The following PARP14 variants were observed in gnomAD, a reference collection of about 807,000 sequenced individuals.
PARP14 encodes protein mono-ADP-ribosyltransferase PARP14.
PARP14 carries 59 observed loss-of-function variants against 154.2 expected under a neutral mutation model. The observed-to-expected ratio is 0.38, with a 90% CI of 0.31 to 0.48. The LOEUF is 0.48. PARP14 is among the 20% of genes least tolerant of loss of function. PARP14 has a pLI of 0.98. For missense variants in PARP14, 1,734 were observed against 2,131.6 expected (o/e 0.81, Z 3.67); for synonymous variants, 720 against 780.5 (o/e 0.92, Z 1.29).
At chr3:122,697,588 A>G (rs1454208400) in intron 5 of PARP14, among the ~76,000 whole-genome samples, 1 of 152,178 alleles carries the variant, frequency 6.6e-6, no homozygotes, top group Admixed American at 6.5e-5. Context: ...TGGTAGATAG[A>G]GCTTGGTTTA....
At chr3:122,720,481 AT>A (rs770664984) in intron 15 of PARP14, 93 bp downstream of exon 15, 10 of 1,201,050 alleles carry the variant, frequency 8.3e-6, no homozygotes, top group African/African-American at 3.0e-5. Flanking sequence ...TTCCTATCAC[AT>A]TTTTTTAAAC....
intron 1 of PARP14, chr3:122,683,326 T>A: frequency 1.0e-6 from 1 of 979,450 alleles, no homozygotes; most frequent in Non-Finnish European, 1.2e-6. Context: ...TAGCATAACC[T>A]GATTTGATTC....
At chr3:122,714,538 C>T in intron 12 of PARP14, 109 bp downstream of exon 12, 1 of 750,570 alleles carries the variant, frequency 1.3e-6, no homozygotes, top group Non-Finnish European at 2.1e-6. Flanking sequence ...GGGCAGCAAC[C>T]ATTAAGCTAG....
chr3:122,698,835 G>A (rs1349914043), intron 5 of PARP14, among the ~76,000 whole-genome samples: 1 of 152,150 alleles, frequency 6.6e-6, no homozygotes, highest in Non-Finnish European at 1.5e-5. Flanking sequence ...TTATAGGACT[G>A]TACAAGAAGA....
Position 122,713,463 on chromosome 3 carries a change from A to G in PARP14, c.3659A>G (p.Tyr1220Cys), listed in dbSNP as rs201832212. The change falls in exon 10 of 17, where the codon TAT (tyrosine) becomes TGT (cysteine). Residue 1220 changes from tyrosine to cysteine, a missense_variant. Physicochemically the swap from Tyr to Cys is radical, Grantham distance 194. Around this residue, in one of 2 missense-constraint regions of PARP14, gnomAD observed 1,646 missense variants for 1,976.0 expected, o/e 0.83. Coordinates refer to ENST00000474629, the MANE Select transcript of PARP14 (RefSeq NM_017554.3). Reference protein sequence around the residue: ...GTVSSPDSGVYEMKIGSIIFQ... With the variant: ...GTVSSPDSGVCEMKIGSIIFQ... ...GTTTCTAGCCCTGATTCAGGTGTGTATGAAATGAAGATTGGCTCCATCATC... is the reference window on the plus strand; with the variant it reads ...GTTTCTAGCCCTGATTCAGGTGTGTGTGAAATGAAGATTGGCTCCATCATC... 1.9e-4 allele frequency: 310 copies of G among 1,613,586 alleles called. 1 individual carries two copies. Among genetic ancestry groups the G allele is most frequent in the Non-Finnish European group, 2.4e-4 (284 of 1,179,650 alleles).
chr3:122,695,431 A>G lies in PARP14; in HGVS notation c.604A>G (p.Ile202Val). ...VVTFQKHIDTIRFVDDCTKHH... is the reference protein window; with the variant it reads ...VVTFQKHIDTVRFVDDCTKHH... ...TTTTTTTTTTTGGTTTGTAGATACTATAAGATTTGTTGATGATTGTACCAA... is the reference window on the plus strand; with the variant it reads ...TTTTTTTTTTTGGTTTGTAGATACTGTAAGATTTGTTGATGATTGTACCAA... The change falls in exon 5 of 17, where the codon ATA (isoleucine) becomes GTA (valine). Residue 202 changes from isoleucine (I) to valine (V), a missense_variant. Around this residue, in one of 2 missense-constraint regions of PARP14, gnomAD observed 1,646 missense variants for 1,976.0 expected, o/e 0.83. Coordinates refer to ENST00000474629, the MANE Select transcript of PARP14 (RefSeq NM_017554.3). 6 of 1,514,302 alleles carry G rather than the reference A, an allele frequency of 4.0e-6. No individual in the cohort carries two copies. The highest frequency in any genetic ancestry group is 4.6e-5 in the East Asian group (2 of 43,940). 93.8% of individuals were successfully genotyped at this position (1,514,302 alleles called of 1,614,324 possible).
chr3:122,689,276 C>T (rs1476481229), intron 3 of PARP14, among the ~76,000 whole-genome samples: 3 of 152,200 alleles, frequency 2.0e-5, no homozygotes, highest in South Asian at 4.1e-4. Flanking sequence ...CTAGACATTT[C>T]ACGCATCACT....
intron 5 of PARP14, 82 bp downstream of exon 5, chr3:122,695,744 G>A: frequency 1.5e-6 from 1 of 668,802 alleles, no homozygotes. Flanking sequence ...TAGTTCTGAT[G>A]TGTTTTATTT....
chr3:122,704,727 G>A lies in PARP14; in HGVS notation c.3519G>A (p.Pro1173=), dbSNP rs776257093. The change falls in exon 8 of 17, where the codon CCG becomes CCA. Residue 1173 remains proline, a synonymous_variant. Transcript: ENST00000474629. ...TLQEVHFLLH[P]SDHENIQAFS... ...AAGAGGTTCACTTTCTGCTGCACCC[G>A]AGTGATCATGAAAATATTCAGGTAC... 15 of 1,596,694 alleles carry A rather than the reference G, an allele frequency of 9.4e-6. No homozygotes were observed. Among genetic ancestry groups the A allele is most frequent in the Middle Eastern group, 1.7e-4 (1 of 6,004 alleles).
chr3:122,704,019 C>A, intron 7 of PARP14, 41 bp downstream of exon 7: 3 of 1,381,364 alleles, frequency 2.2e-6, no homozygotes, highest in Non-Finnish European at 3.1e-6. Context: ...TTGGGTAGCC[C>A]TTTGGGTTCT....
In PARP14 at chr3:122,692,488, A is replaced by G. The variant is rs562691474; in HGVS notation, c.543A>G (p.Gln181=). Residue 181 remains glutamine (Q), a synonymous_variant, in exon 4 of 17, where the codon CAA becomes CAG. Transcript: ENST00000474629. ...GTGGCCTGTCTAATGATGACTTTCA[A>G]GTGGAAATAATAAGAGATTTTGATG... The part of the protein sequence containing the change: ...NISGLSNDDF[Q]VEIIRDFDVA... 1.0e-4 allele frequency: 164 copies of G among 1,613,066 alleles called. 2 individuals are homozygous for G. The South Asian group carries it at 1.8e-3, about 18-fold the overall frequency.
intron 8 of PARP14, among the ~76,000 whole-genome samples, chr3:122,706,900 C>T (rs1939172398): frequency 6.6e-6 from 1 of 152,002 alleles, no homozygotes; most frequent in Admixed American, 6.6e-5. Context: ...CATGACTCCT[C>T]AGCCCCTCCT....
In PARP14 at chr3:122,720,712, T is replaced by C. The variant is rs116359138; in HGVS notation, c.4941+324T>C. On this transcript the variant is annotated intron_variant, in intron 15 of 16. Coordinates refer to ENST00000474629, the MANE Select transcript of PARP14 (RefSeq NM_017554.3). ...AGCTAGCAAATTCCACAGAGAGCCA[T>C]GCAGAGGCTCCTTAGATCAGGACCA... The C allele has an allele frequency of 6.6e-3, 3,045 of 460,748 alleles. 74 individuals carry two copies. Among genetic ancestry groups the C allele is most frequent in the African/African-American group, 0.055 (2,769 of 50,134 alleles). 28.5% of individuals were successfully genotyped at this position (460,748 alleles called of 1,614,324 possible).
At position 122,700,803 on chromosome 3, in the gene PARP14, C is replaced by T; in HGVS notation, c.2249C>T (p.Ala750Val). 6.2e-7 allele frequency: 1 copy of T among 1,613,720 alleles called. No homozygotes were observed. The highest frequency in any genetic ancestry group is 8.5e-7 in the Non-Finnish European group (1 of 1,179,750). Residue 750 changes from alanine to valine, a missense_variant, in exon 6 of 17, where the codon GCC becomes GTC. Physicochemically the swap from Ala to Val is moderately conservative, Grantham distance 64. This residue lies in a region of PARP14 where 1,646 missense variants were observed against 1,976.0 expected (regional missense o/e 0.83). Transcript: ENST00000474629. ...VKSVHTDKPG[A>V]KQFFQDKARF... ...AGTGTCCATACTGATAAGCCAGGAG[C>T]CAAGCAGTTCTTCCAGGATAAAGCA...
rs777768454 is a variant in PARP14, at chr3:122,701,215, A to G, written c.2661A>G (p.Gly887=). 2 of 1,613,544 alleles carry G rather than the reference A, an allele frequency of 1.2e-6. No individual in the cohort carries two copies. Among genetic ancestry groups the G allele is most frequent in the Non-Finnish European group, 8.5e-7 (1 of 1,179,666 alleles). ...VIHAVGPRWS[G]YEAPRCVYLL... ...ATGCAGTGGGGCCCCGCTGGAGCGG[A>G]TATGAGGCCCCGAGGTGTGTGTACC... is the stretch of plus-strand genomic sequence containing the variant. Residue 887 remains glycine, a synonymous_variant, in exon 6 of 17, where the codon GGA becomes GGG. Coordinates refer to ENST00000474629, the MANE Select transcript of PARP14 (RefSeq NM_017554.3). This position sits in a 1 kb window ranked among gnomAD's most constrained non-coding sequence, Gnocchi z 4.0.
chr3:122,712,555 A>G (rs1409466799), intron 9 of PARP14, among the ~76,000 whole-genome samples: 1 of 142,566 alleles, frequency 7.0e-6, no homozygotes, highest in African/African-American at 2.6e-5. Context: ...GCCAGGATTG[A>G]CATCTTTTTT....
At chr3:122,717,677 G>A (rs1198927925) in intron 12 of PARP14, among the ~76,000 whole-genome samples, 1 of 152,186 alleles carries the variant, frequency 6.6e-6, no homozygotes, top group African/African-American at 2.4e-5. Flanking sequence ...AGTATTTTAT[G>A]TCAACATATA....
intron 8 of PARP14, among the ~76,000 whole-genome samples, chr3:122,707,714 C>A (rs1301847033): frequency 6.6e-6 from 1 of 152,150 alleles, no homozygotes; most frequent in Non-Finnish European, 1.5e-5. Flanking sequence ...GGGAGAATTG[C>A]TTAAGCCCAG....
At chr3:122,715,462 G>A (rs143094803) in intron 12 of PARP14, among the ~76,000 whole-genome samples, 91 of 152,170 alleles carry the variant, frequency 6.0e-4, no homozygotes, top group Non-Finnish European at 9.9e-4. Flanking sequence ...GTTCCGAGAT[G>A]GAATTCTATG....
Sources: allele counts gnomAD v4.1 joint callset (sites outside exome capture counted in the v4.1 genomes callset), GRCh38; gene constraint gnomAD v4.1.1; regional missense constraint gnomAD v4.1.1; non-coding constraint Gnocchi (gnomAD v3.1); transcripts MANE v1.5; gene names NCBI Gene and HGNC (gene_info 2026-07-23, HGNC 2026-07-21).